C16orf46: variants seen among roughly 807,000 people sequenced by gnomAD.
C16orf46 encodes chromosome 16 open reading frame 46.
A neutral mutation model predicts 5.5 loss-of-function variants in C16orf46; 7 were observed. That is an observed-to-expected ratio of 1.28 (90% CI 0.73 to 2.40). C16orf46 has a LOEUF of 2.40. Ranked by LOEUF, C16orf46 falls within the 30% of genes most tolerant of loss-of-function variation. C16orf46 has a pLI of 0.00. For synonymous variants in C16orf46, 200 were observed against 184.1 expected (o/e 1.09, Z -0.70); for missense variants, 614 against 476.0 (o/e 1.29, Z -2.70).
chr16:81,075,318 G>A (rs1971998397), intron 1 of C16orf46, among the ~76,000 whole-genome samples: 1 of 151,784 alleles, frequency 6.6e-6, no homozygotes, highest in South Asian at 2.1e-4. Context: ...GGCCAAGCAC[G>A]GTAGCTCACA....
chr16:81,054,164 A>G (rs895181379), intron 3 of C16orf46: 67 of 1,416,170 alleles, frequency 4.7e-5, no homozygotes, highest in Non-Finnish European at 6.4e-5. Context: ...GGCAGAAGTC[A>G]ATGCATCTGA....
downstream of C16orf46, among the ~76,000 whole-genome samples, chr16:81,060,215 C>T (rs78183282): frequency 4.2e-3 from 632 of 152,202 alleles, 32 homozygotes; most frequent in East Asian, 0.1. Context: ...ATGCAGGAGA[C>T]GATAGTGTAT....
intron 3 of C16orf46, among the ~76,000 whole-genome samples, chr16:81,054,873 C>G (rs1971251032): frequency 6.6e-6 from 1 of 152,140 alleles, no homozygotes; most frequent in South Asian, 2.1e-4. Context: ...GTCTCGAACT[C>G]CTGACCTCAA....
At chr16:81,070,674 GT>G (rs1971818239) in intron 1 of C16orf46, among the ~76,000 whole-genome samples, 1 of 152,076 alleles carries the variant, frequency 6.6e-6, no homozygotes, top group South Asian at 2.1e-4. Context: ...GGGGTTTCCT[GT>G]TTTTTATTTT....
chr16:81,061,988 C>G lies in C16orf46; in HGVS notation c.361G>C (p.Gly121Arg), dbSNP rs200088357. Residue 121 changes from glycine (G) to arginine (R), a missense_variant, in exon 4 of 4, where the codon GGG becomes CGG. Physicochemically the swap from Gly to Arg is moderately radical, Grantham distance 125 (BLOSUM62 -2). Coordinates refer to ENST00000299578, the MANE Select transcript of C16orf46 (RefSeq NM_152337.3). ...CTGCTCTGATCCTTCTCTGGGCCCC[C>G]CTCAGTAGGAGGCTTGGTCTGGAGG... ...WSLQTKPPTE[G>R]GPEKDQSSPS... 2 of 1,614,134 alleles carry G rather than the reference C, an allele frequency of 1.2e-6. No homozygotes were observed. Among genetic ancestry groups the G allele is most frequent in the African/African-American group, 1.3e-5 (1 of 75,044 alleles).
chr16:81,068,759 T>G (rs1043300385), intron 1 of C16orf46, among the ~76,000 whole-genome samples: 6 of 152,060 alleles, frequency 3.9e-5, no homozygotes, highest in South Asian at 2.1e-4. Flanking sequence ...TGGAGTGCAG[T>G]GCCATGATTC....
downstream of C16orf46, among the ~76,000 whole-genome samples, chr16:81,060,227 T>C (rs1422497518): frequency 6.6e-6 from 1 of 152,140 alleles, no homozygotes; most frequent in African/African-American, 2.4e-5. Context: ...ATAGTGTATA[T>C]ACATGGAAAC....
At chr16:81,071,007 G>A (rs1280630353) in intron 1 of C16orf46, among the ~76,000 whole-genome samples, 1 of 152,050 alleles carries the variant, frequency 6.6e-6, no homozygotes, top group East Asian at 1.9e-4. Context: ...GAACCACCAC[G>A]CCATGGTTTT....
chr16:81,068,051 C>A (rs1971706628), intron 1 of C16orf46, among the ~76,000 whole-genome samples: 2 of 152,192 alleles, frequency 1.3e-5, no homozygotes, highest in African/African-American at 4.8e-5. Context: ...GCCAAAGGAA[C>A]AGGTGTAAAT....
In C16orf46 at chr16:81,061,962, G is replaced by A; in HGVS notation, c.387C>T (p.Ser129=). 6.2e-7 allele frequency: 1 copy of A among 1,614,186 alleles called. No homozygotes were observed. The highest frequency in any genetic ancestry group is 1.7e-5 in the Admixed American group (1 of 60,030). ...GGGGGGCTGCCTGAGTCTGGGAGGG[G>A]CTGCTCTGATCCTTCTCTGGGCCCC... ...TEGGPEKDQS[S]PSQTQAAPQG... The change falls in exon 4 of 4, where the codon AGC becomes AGT. Residue 129 remains serine (S), a synonymous_variant. Transcript: ENST00000299578.
At chr16:81,057,098 C>T (rs1000953187), downstream of C16orf46, among the ~76,000 whole-genome samples, 1 of 152,100 alleles carries the variant, frequency 6.6e-6, no homozygotes. Flanking sequence ...AATGCACATA[C>T]AGGCCCATCA....
At chr16:81,063,641 A>T (rs1002581753) in intron 3 of C16orf46, 105 bp downstream of exon 3, 4 of 931,148 alleles carry the variant, frequency 4.3e-6, no homozygotes, top group Non-Finnish European at 6.6e-6. Context: ...CATGTCATTG[A>T]TTCCACATTT....
intron 1 of C16orf46, among the ~76,000 whole-genome samples, chr16:81,068,487 T>C (rs928816126): frequency 6.6e-6 from 1 of 151,450 alleles, no homozygotes; most frequent in Non-Finnish European, 1.5e-5. Context: ...AAAGTCCTGG[T>C]AGCTGAAAAG....
chr16:81,054,136 ATGC>A (rs1205063913), intron 3 of C16orf46: 8 of 1,589,240 alleles, frequency 5.0e-6, no homozygotes, highest in Non-Finnish European at 6.0e-6. Flanking sequence ...TGTAGAGCCC[ATGC>A]TGCAATGAAA....
downstream of C16orf46, chr16:81,060,839 C>T (rs992772532): frequency 1.6e-5 from 6 of 378,986 alleles, no homozygotes; most frequent in Admixed American, 4.9e-5. Flanking sequence ...CCACTTTCTG[C>T]GTGGCTTCTG....
intron 1 of C16orf46, 26 bp from the exon 2 acceptor site, chr16:81,066,307 G>A (rs1261865672): frequency 6.6e-6 from 1 of 152,048 alleles, no homozygotes; most frequent in Non-Finnish European, 1.5e-5. Flanking sequence ...TTCAGTTAGT[G>A]GATAGGAAAG....
chr16:81,057,551 A>G (rs1374718653), downstream of C16orf46, among the ~76,000 whole-genome samples: 1 of 152,020 alleles, frequency 6.6e-6, no homozygotes, highest in Non-Finnish European at 1.5e-5. Flanking sequence ...AAAAAAAAAA[A>G]AAAAAGTATG....
In C16orf46 at chr16:81,064,281, T is replaced by C. The variant is rs985879013; in HGVS notation, c.-38-288A>G. Among the ~76,000 whole-genome samples the C allele has an allele frequency of 4.0e-5, 6 of 151,288 alleles. No homozygotes were observed. Among genetic ancestry groups the C allele is most frequent in the African/African-American group, 1.5e-4 (6 of 41,138 alleles). ...CGGGAGGCTGAGGCAGGAGAATCAC[T>C]TGAACCCAGGAAGCAGAGGTTTCAG... On this transcript the variant is annotated intron_variant, in intron 2 of 3. Transcript: ENST00000299578.
At chr16:81,058,424 C>G (rs1003761532), downstream of C16orf46, among the ~76,000 whole-genome samples, 1 of 152,076 alleles carries the variant, frequency 6.6e-6, no homozygotes, top group African/African-American at 2.4e-5. Context: ...AAGAGTCATG[C>G]CTTAAGCTGC....
Sources: allele counts gnomAD v4.1 joint callset (sites outside exome capture counted in the v4.1 genomes callset), GRCh38; gene constraint gnomAD v4.1.1; transcripts MANE v1.5; gene names NCBI Gene and HGNC (gene_info 2026-07-23, HGNC 2026-07-21).